Variants in TRIOBP observed in about 807,000 individuals in gnomAD.
TRIOBP encodes TRIO and F-actin binding protein, also known as TRIO and F-actin-binding protein.
A neutral mutation model predicts 238.8 loss-of-function variants in TRIOBP; 169 were observed. That is an observed-to-expected ratio of 0.71 (90% CI 0.62 to 0.80). TRIOBP has a LOEUF of 0.80. Ranked by LOEUF, TRIOBP falls within the 30% of genes least tolerant of loss-of-function variation. TRIOBP has a pLI of 0.00. For synonymous variants in TRIOBP, 1,150 were observed against 1,274.4 expected, an observed-to-expected ratio of 0.90 and a Z score of 2.08; for missense variants, 2,838 against 3,122.6, an observed-to-expected ratio of 0.91 and a Z score of 2.17.
Position 37,726,500 on chromosome 22 carries a change from G to A in TRIOBP, c.3944G>A (p.Arg1315His), listed in dbSNP as rs772997803. The change falls in exon 7 of 24, where the codon CGC becomes CAC. Residue 1315 changes from arginine (R) to histidine (H), a missense_variant. Arg to His is a conservative substitution (Grantham distance 29). Around this residue, in one of 5 missense-constraint regions of TRIOBP, gnomAD observed 2,096 missense variants for 2,137.4 expected, o/e 0.98. Coordinates refer to ENST00000644935, the MANE Select transcript of TRIOBP (RefSeq NM_001039141.3). ...AEVERLFGQE[R>H]RKSEAAGAFQ... ...GTGGAGCGCCTCTTCGGGCAAGAGCGCAGGTGAGCCCGGGGGTGGGGTCAG... is the reference window on the plus strand; with the variant it reads ...GTGGAGCGCCTCTTCGGGCAAGAGCACAGGTGAGCCCGGGGGTGGGGTCAG... 68 of 1,503,378 alleles carry A rather than the reference G, an allele frequency of 4.5e-5. No individual in the cohort carries two copies. The highest frequency in any genetic ancestry group is 5.5e-5 in the Non-Finnish European group (62 of 1,132,292). 93.1% of individuals were successfully genotyped at this position (1,503,378 alleles called of 1,614,324 possible). A position where few individuals can be genotyped will look rare whatever the true frequency, so the allele number is the denominator to read the frequency against.
intron 10 of TRIOBP, among the ~76,000 whole-genome samples, chr22:37,739,744 A>G (rs1924846648): frequency 6.6e-6 from 1 of 152,150 alleles, no homozygotes; most frequent in South Asian, 2.1e-4. Context: ...TGGTCGCTAA[A>G]GGCGCTGCCA....
At chr22:37,745,961 C>T (rs1441474414) in intron 11 of TRIOBP, among the ~76,000 whole-genome samples, 1 of 151,762 alleles carries the variant, frequency 6.6e-6, no homozygotes, top group Non-Finnish European at 1.5e-5. Context: ...TGGGCCCTTC[C>T]TTCCTCCCAG....
At chr22:37,745,462 C>T (rs997119870) in intron 11 of TRIOBP, among the ~76,000 whole-genome samples, 2 of 152,058 alleles carry the variant, frequency 1.3e-5, no homozygotes, top group African/African-American at 4.8e-5. Context: ...CACCACGGTC[C>T]CTACTCACCT....
In TRIOBP at chr22:37,733,323, C is replaced by T. The variant is rs1292006541; in HGVS notation, c.3973C>T (p.Gln1325Ter). Residue 1325 changes from glutamine to a stop codon, truncating the protein, a stop_gained, in exon 8 of 24, where the codon CAG (glutamine) becomes TAG (stop). Coordinates refer to ENST00000644935, the MANE Select transcript of TRIOBP (RefSeq NM_001039141.3). LOFTEE classifies it high-confidence loss of function. ...GAAGTCCGAGGCAGCGGGGGCCTTC[C>T]AGGCCCAGGACGAGGGACGGTCACA... ...RRKSEAAGAF[Q>*]AQDEGRSQQP... is the part of the protein sequence containing the mutation. 2 of 1,551,134 alleles carry T rather than the reference C, an allele frequency of 1.3e-6. No individual in the cohort carries two copies. The highest frequency in any genetic ancestry group is 3.9e-5 in the Admixed American group (2 of 51,080).
intron 9 of TRIOBP, among the ~76,000 whole-genome samples, chr22:37,737,443 C>T (rs903585028): frequency 6.6e-6 from 1 of 151,768 alleles, no homozygotes; most frequent in Non-Finnish European, 1.5e-5. Flanking sequence ...AGGCAAATCA[C>T]GAGCTCAGGA....
At chr22:37,719,395 GA>G (rs1195949004) in intron 6 of TRIOBP, among the ~76,000 whole-genome samples, 5 of 151,916 alleles carry the variant, frequency 3.3e-5, no homozygotes, top group African/African-American at 4.8e-5. Context: ...CTGGGGAGCG[GA>G]TGGGCCCAGC....
intron 18 of TRIOBP, among the ~76,000 whole-genome samples, chr22:37,767,088 T>G (rs1156609000): frequency 1.3e-5 from 2 of 152,016 alleles, no homozygotes; most frequent in Admixed American, 1.3e-4. Flanking sequence ...CTGTCTCTAC[T>G]ATGAATACAA....
intron 6 of TRIOBP, among the ~76,000 whole-genome samples, chr22:37,720,171 G>A (rs573552190): frequency 2.6e-5 from 4 of 151,762 alleles, no homozygotes; most frequent in African/African-American, 4.8e-5. Flanking sequence ...CACCACGCCC[G>A]GCTAATTTTG....
chr22:37,750,378 C>G (rs749500832), intron 11 of TRIOBP, among the ~76,000 whole-genome samples: 2 of 152,194 alleles, frequency 1.3e-5, no homozygotes, highest in Non-Finnish European at 2.9e-5. Context: ...AAATTTAGAC[C>G]AGGGGGTAGA....
rs1006476594 is a variant in TRIOBP, at chr22:37,774,289, G to A, written c.*509G>A. On this transcript the variant is annotated 3_prime_UTR_variant, in exon 24 of 24. Coordinates refer to ENST00000644935, the MANE Select transcript of TRIOBP (RefSeq NM_001039141.3). ...GGCGGGGTGTCTCTACAGGGGAGAG[G>A]CGGGAGCCTGCCACCCTCTTCCTGC... 6.6e-6 allele frequency: 1 copy of A among 152,366 alleles called. No individual in the cohort carries two copies. The highest frequency in any genetic ancestry group is 2.4e-5 in the African/African-American group (1 of 41,400). 9.4% of individuals were successfully genotyped at this position (152,366 alleles called of 1,614,324 possible). A position where few individuals can be genotyped will look rare whatever the true frequency, so the allele number is the denominator to read the frequency against.
At chr22:37,726,844 G>A (rs1249269939) in intron 7 of TRIOBP, among the ~76,000 whole-genome samples, 1 of 152,136 alleles carries the variant, frequency 6.6e-6, no homozygotes, top group Non-Finnish European at 1.5e-5. Context: ...TTCCTCATCT[G>A]TAAGGGAGGG....
At chr22:37,770,416 C>T (rs1290024700) in intron 21 of TRIOBP, among the ~76,000 whole-genome samples, 1 of 137,198 alleles carries the variant, frequency 7.3e-6, no homozygotes, top group Non-Finnish European at 1.5e-5. Context: ...TGCCACTGCA[C>T]TCCAGCCTGG....
intron 17 of TRIOBP, chr22:37,759,473 G>T: frequency 6.4e-7 from 1 of 1,562,382 alleles, no homozygotes; most frequent in Non-Finnish European, 8.8e-7. Flanking sequence ...GCTCTGAGAG[G>T]TTATGTGACT....
intron 11 of TRIOBP, among the ~76,000 whole-genome samples, chr22:37,745,310 C>G (rs1175960721): frequency 6.6e-6 from 1 of 152,076 alleles, no homozygotes; most frequent in African/African-American, 2.4e-5. Flanking sequence ...ACACTTAATC[C>G]TTCCAGCAAC....
At chr22:37,767,926 C>G in intron 18 of TRIOBP, 148 bp from the exon 19 acceptor site, 1 of 725,146 alleles carries the variant, frequency 1.4e-6, no homozygotes, top group Non-Finnish European at 2.5e-6. Context: ...TTGCATAGCA[C>G]TCCTTGGTCC....
At position 37,724,644 on chromosome 22, in the gene TRIOBP, C is replaced by G; in HGVS notation, c.2088C>G (p.Pro696=). The change falls in exon 7 of 24, where the codon CCC becomes CCG. Residue 696 remains proline, a synonymous_variant. Coordinates refer to ENST00000644935, the MANE Select transcript of TRIOBP (RefSeq NM_001039141.3). Reference sequence around the variant, plus strand: ...GCAGAACCATCCAACAAGAGAACCCCAGAACATCCTGTGCCCAACGGGACG... The same window carrying G: ...GCAGAACCATCCAACAAGAGAACCCGAGAACATCCTGTGCCCAACGGGACG... The part of the protein sequence containing the change: ...SPSRTIQQEN[P]RTSCAQRDDP... 1.9e-6 allele frequency: 3 copies of G among 1,611,290 alleles called. No homozygotes were observed. Among genetic ancestry groups the G allele is most frequent in the South Asian group, 1.1e-5 (1 of 90,930 alleles).
At chr22:37,718,711 G>A (rs1050462891) in intron 6 of TRIOBP, among the ~76,000 whole-genome samples, 1 of 152,028 alleles carries the variant, frequency 6.6e-6, no homozygotes, top group Non-Finnish European at 1.5e-5. Context: ...AGGACAAAAA[G>A]CGGCTAGGGG....
intron 6 of TRIOBP, among the ~76,000 whole-genome samples, chr22:37,716,589 G>T (rs1030098438): frequency 6.6e-6 from 1 of 152,020 alleles, no homozygotes; most frequent in East Asian, 1.9e-4. Context: ...GCCACCACAC[G>T]TGGCTAATTT....
At chr22:37,767,251 C>T (rs1412716042) in intron 18 of TRIOBP, among the ~76,000 whole-genome samples, 1 of 149,618 alleles carries the variant, frequency 6.7e-6, no homozygotes, top group Non-Finnish European at 1.5e-5. Context: ...ACTCCGTCTC[C>T]TGGGTGACAG....
Sources: allele counts gnomAD v4.1 joint callset (sites outside exome capture counted in the v4.1 genomes callset), GRCh38; gene constraint gnomAD v4.1.1; regional missense constraint gnomAD v4.1.1; transcripts MANE v1.5; gene names NCBI Gene and HGNC (gene_info 2026-07-23, HGNC 2026-07-21).